Variants in TDRP observed in about 807,000 individuals in gnomAD.
The protein encoded by TDRP is testis development-related protein.
In TDRP, 12 loss-of-function variants were observed where a neutral mutation model predicts 10.5. The ratio of observed to expected loss-of-function variants is 1.15; its 90% CI spans 0.73 to 1.86. The LOEUF is 1.86. Ranked by LOEUF, TDRP falls within the 40% of genes most tolerant of loss-of-function variation. TDRP has a pLI of 0.00. For synonymous variants in TDRP, 139 were observed against 95.4 expected (o/e 1.46, Z -2.67); for missense variants, 353 against 229.2 (o/e 1.54, Z -3.49).
chr8:491,793 G>A lies in TDRP; in HGVS notation c.*606C>T. The A allele has an allele frequency of 7.9e-7, 1 of 1,268,598 alleles. No individual in the cohort carries two copies. 78.6% of individuals were successfully genotyped at this position (1,268,598 alleles called of 1,614,324 possible). A position where few individuals can be genotyped will look rare whatever the true frequency, so the allele number is the denominator to read the frequency against. On this transcript the variant is annotated 3_prime_UTR_variant, in exon 3 of 3. Transcript: ENST00000324079. ...TTACTATCCAGTGGACATACAAGAAGCTATTCCTCCCTCAGCAAAAGATGA... is the reference window on the plus strand; with the variant it reads ...TTACTATCCAGTGGACATACAAGAAACTATTCCTCCCTCAGCAAAAGATGA...
Position 491,523 on chromosome 8 carries a change from A to C in TDRP, c.*876T>G. ...AGATCTAACACCAATCACAATAGGCATCTCGCTTTGCAAGAACAAACATAT... is the reference window on the plus strand; with the variant it reads ...AGATCTAACACCAATCACAATAGGCCTCTCGCTTTGCAAGAACAAACATAT... On this transcript the variant is annotated 3_prime_UTR_variant, in exon 3 of 3. Coordinates refer to ENST00000324079, the MANE Select transcript of TDRP (RefSeq NM_001384899.1). The C allele has an allele frequency of 3.9e-6, 5 of 1,291,004 alleles. No homozygotes were observed. The highest frequency in any genetic ancestry group is 5.2e-6 in the Non-Finnish European group (5 of 957,614). 80.0% of individuals were successfully genotyped at this position (1,291,004 alleles called of 1,614,324 possible).
chr8:532,700 T>A (rs937891063), intron 1 of TDRP, among the ~76,000 whole-genome samples: 1 of 152,198 alleles, frequency 6.6e-6, no homozygotes, highest in African/African-American at 2.4e-5. Flanking sequence ...TTACCCTAAA[T>A]CACAACAAAT....
chr8:529,532 G>C (rs551559768), intron 1 of TDRP, among the ~76,000 whole-genome samples: 2 of 151,996 alleles, frequency 1.3e-5, no homozygotes, highest in East Asian at 1.9e-4. Context: ...AATCTCTTTA[G>C]CATTTCTTAC....
rs1344625127 is a variant in TDRP at position 525,170 on chromosome 8, T to C, written c.108+19480A>G. On this transcript the variant is annotated intron_variant, in intron 1 of 2. Coordinates refer to ENST00000324079, the MANE Select transcript of TDRP (RefSeq NM_001384899.1). ...CAAGAGAGACAGCGGCATGACATAA[T>C]TAAAGTGCTGAAGGAAAAACATTTT... Among the ~76,000 whole-genome samples, 3 of 152,084 alleles carry C rather than the reference T, an allele frequency of 2.0e-5. No individual in the cohort carries two copies. The South Asian group carries it at 6.2e-4, about 32-fold the overall frequency.
intron 1 of TDRP, among the ~76,000 whole-genome samples, chr8:499,524 T>A (rs1393004097): frequency 1.3e-5 from 2 of 152,172 alleles, no homozygotes; most frequent in Non-Finnish European, 2.9e-5. Flanking sequence ...TGCTCTAACA[T>A]GCACCTCCAT....
chr8:501,452 T>A (rs1463661647), intron 1 of TDRP, among the ~76,000 whole-genome samples: 1 of 151,706 alleles, frequency 6.6e-6, no homozygotes, highest in Non-Finnish European at 1.5e-5. Context: ...GTTCAAGCAA[T>A]TCTCCTGCCT....
intron 1 of TDRP, among the ~76,000 whole-genome samples, chr8:540,037 A>G (rs898133914): frequency 1.3e-5 from 2 of 152,180 alleles, no homozygotes; most frequent in African/African-American, 4.8e-5. Context: ...CCAAATCCCT[A>G]TGCAATCCAG....
intron 2 of TDRP, 121 bp downstream of exon 2, chr8:494,373 C>G (rs1002262052): frequency 3.9e-5 from 34 of 868,964 alleles, no homozygotes; most frequent in Non-Finnish European, 5.6e-5. Context: ...AACATGGACT[C>G]GCCGCGCCCC....
At chr8:527,704 T>G (rs1802070088) in intron 1 of TDRP, among the ~76,000 whole-genome samples, 1 of 152,128 alleles carries the variant, frequency 6.6e-6, no homozygotes, top group African/African-American at 2.4e-5. Context: ...GATATCCACA[T>G]GCAGAAGAAT....
chr8:544,954 C>A (rs1319185066), upstream of TDRP: 2 of 336,088 alleles, frequency 6.0e-6, no homozygotes, highest in African/African-American at 4.9e-5. Flanking sequence ...CTCCCCAGGA[C>A]CCGGCCCGCC....
chr8:510,658 A>C (rs1320334830), intron 1 of TDRP, among the ~76,000 whole-genome samples: 1 of 152,230 alleles, frequency 6.6e-6, no homozygotes, highest in Non-Finnish European at 1.5e-5. Flanking sequence ...TCAAAAATGA[A>C]GGTAAAATAC....
chr8:492,703 T>A lies in TDRP; in HGVS notation c.254A>T (p.Lys85Ile). Residue 85 changes from lysine to isoleucine, a missense_variant, in exon 3 of 3, where the codon AAA becomes ATA. Physicochemically the swap from Lys to Ile is moderately radical, Grantham distance 102. Coordinates refer to ENST00000324079, the MANE Select transcript of TDRP (RefSeq NM_001384899.1). ...RLKEELKAEK[K>I]SGFWDNLVLK... ...AACCAAATTGTCCCAAAATCCAGAT[T>A]TCTTCTCTGCCTTCAACTCTTCTTT... 1 of 1,613,846 alleles carries A rather than the reference T, an allele frequency of 6.2e-7. No homozygotes were observed. Among genetic ancestry groups the A allele is most frequent in the Non-Finnish European group, 8.5e-7 (1 of 1,179,818 alleles).
intron 1 of TDRP, among the ~76,000 whole-genome samples, chr8:502,679 G>A (rs866782323): frequency 6.6e-6 from 1 of 151,948 alleles, no homozygotes; most frequent in South Asian, 2.1e-4. Context: ...GGAATCCAGA[G>A]CCACACACCG....
chr8:521,348 C>T (rs535282424), intron 1 of TDRP, among the ~76,000 whole-genome samples: 415 of 151,702 alleles, frequency 2.7e-3, no homozygotes, highest in Non-Finnish European at 4.6e-3. Flanking sequence ...ACCCGGGAGG[C>T]GGGGCTTACA....
At chr8:543,244 T>G (rs1350759640) in intron 1 of TDRP, among the ~76,000 whole-genome samples, 1 of 152,024 alleles carries the variant, frequency 6.6e-6, no homozygotes, top group Non-Finnish European at 1.5e-5. Context: ...CCCAGGCAGG[T>G]TGAGGCCGTA....
At chr8:520,112 A>C (rs1801861379) in intron 1 of TDRP, among the ~76,000 whole-genome samples, 1 of 152,224 alleles carries the variant, frequency 6.6e-6, no homozygotes, top group African/African-American at 2.4e-5. Context: ...TGGGGAGAAA[A>C]GTGGAAAGAA....
At chr8:529,840 C>T (rs936595082) in intron 1 of TDRP, among the ~76,000 whole-genome samples, 3 of 152,166 alleles carry the variant, frequency 2.0e-5, no homozygotes, top group Non-Finnish European at 4.4e-5. Context: ...AAATCTTTCT[C>T]AGTGTGGGCT....
chr8:536,963 G>C (rs1441042265), intron 1 of TDRP, among the ~76,000 whole-genome samples: 3 of 152,126 alleles, frequency 2.0e-5, no homozygotes, highest in African/African-American at 4.8e-5. Flanking sequence ...GCTCATATGA[G>C]AGTCCAATGA....
At chr8:544,839 G>C, upstream of TDRP, 1 of 1,050,772 alleles carries the variant, frequency 9.5e-7, no homozygotes, top group Non-Finnish European at 1.2e-6. Context: ...CGCTCTGCCT[G>C]CGGCTCCTGC....
Sources: gnomAD v4.1 joint callset for allele counts (sites outside exome capture counted in the v4.1 genomes callset) on GRCh38, gnomAD v4.1.1 for gene constraint, MANE v1.5 for transcripts, NCBI Gene and HGNC (gene_info 2026-07-23, HGNC 2026-07-21) for gene names.